Variants in CSTA observed in about 807,000 individuals in gnomAD.
CSTA encodes cystatin-A.
CSTA carries 9 observed loss-of-function variants against 9.2 expected under a neutral mutation model. That is an observed-to-expected ratio of 0.97 (90% CI 0.59 to 1.70). The LOEUF (loss-of-function observed/expected upper bound fraction) is 1.70. CSTA is among the 40% of genes most tolerant of loss of function. CSTA has a pLI of 0.00. For missense variants in CSTA, 118 were observed against 113.1 expected (o/e 1.04, Z -0.20); for synonymous variants, 36 against 40.6 (o/e 0.89, Z 0.43).
At chr3:122,325,642 T>C (rs1344795595) in intron 1 of CSTA, among the ~76,000 whole-genome samples, 1 of 152,238 alleles carries the variant, frequency 6.6e-6, no homozygotes, top group East Asian at 1.9e-4. Flanking sequence ...TCTTACAAGA[T>C]ATGATTCTAG....
At chr3:122,340,122 AGGATAG>A (rs1331760060) in intron 2 of CSTA, among the ~76,000 whole-genome samples, 2 of 152,252 alleles carry the variant, frequency 1.3e-5, no homozygotes, top group African/African-American at 2.4e-5. Flanking sequence ...TGTTAAAATT[AGGATAG>A]GAAGTGACAT....
intron 1 of CSTA, among the ~76,000 whole-genome samples, chr3:122,325,816 A>G (rs1038123069): frequency 6.6e-6 from 1 of 152,208 alleles, no homozygotes; most frequent in East Asian, 1.9e-4. Context: ...TGTAAAGGCA[A>G]TCTACTTACA....
intron 1 of CSTA, among the ~76,000 whole-genome samples, chr3:122,329,264 C>A (rs918929891): frequency 6.6e-6 from 1 of 151,664 alleles, no homozygotes; most frequent in Non-Finnish European, 1.5e-5. Context: ...CCGCGCCCAG[C>A]CAAAATAAAA....
At chr3:122,335,270 C>T (rs1333119150) in intron 1 of CSTA, among the ~76,000 whole-genome samples, 1 of 152,150 alleles carries the variant, frequency 6.6e-6, no homozygotes, top group Non-Finnish European at 1.5e-5. Flanking sequence ...ATCCCTGGAA[C>T]CTGTGACTAG....
Position 122,341,654 on chromosome 3 carries a change from A to G in CSTA, c.*87A>G. The G allele has an allele frequency of 6.9e-7, 1 of 1,457,928 alleles. No homozygotes were observed. Among genetic ancestry groups the G allele is most frequent in the East Asian group, 2.3e-5 (1 of 44,062 alleles). 90.3% of individuals were successfully genotyped at this position (1,457,928 alleles called of 1,614,324 possible). On this transcript the variant is annotated 3_prime_UTR_variant, in exon 3 of 3. Coordinates refer to ENST00000264474, the MANE Select transcript of CSTA (RefSeq NM_005213.4). ...TAAATATAACCATCAATAAAGAAGC[A>G]TTCTTTTCCAAAGAAATTATTTCTT...
chr3:122,335,958 T>C (rs1219228918), intron 1 of CSTA, among the ~76,000 whole-genome samples: 2 of 147,662 alleles, frequency 1.4e-5, no homozygotes, highest in African/African-American at 5.1e-5. Flanking sequence ...ATCAGAGGAA[T>C]ACACACACAC....
intron 1 of CSTA, 106 bp from the exon 2 acceptor site, chr3:122,337,441 A>G (rs1287125176): frequency 8.2e-6 from 6 of 727,388 alleles, no homozygotes; most frequent in Non-Finnish European, 1.5e-5. Context: ...AGATTTCATT[A>G]CCATCTTTGA....
At chr3:122,327,694 G>A (rs1196269282) in intron 1 of CSTA, among the ~76,000 whole-genome samples, 1 of 152,000 alleles carries the variant, frequency 6.6e-6, no homozygotes, top group Non-Finnish European at 1.5e-5. Flanking sequence ...AATGTGCATA[G>A]GTGAGGTATC....
At chr3:122,333,540 G>GAAGAAAGAAGA (rs2075216490) in intron 1 of CSTA, among the ~76,000 whole-genome samples, 2 of 112,078 alleles carry the variant, frequency 1.8e-5, no homozygotes, top group African/African-American at 3.4e-5. Flanking sequence ...AGAAAAGAAA[G>GAAGAAAGAAGA]AAGAAAGAAA....
At chr3:122,325,456 T>C in intron 1 of CSTA, 98 bp downstream of exon 1, 1 of 1,205,736 alleles carries the variant, frequency 8.3e-7, no homozygotes, top group Admixed American at 1.7e-5. Flanking sequence ...ACCAGAAGTT[T>C]AGGATGTTTG....
At chr3:122,326,262 C>G (rs1257497549) in intron 1 of CSTA, among the ~76,000 whole-genome samples, 2 of 152,194 alleles carry the variant, frequency 1.3e-5, no homozygotes, top group Non-Finnish European at 2.9e-5. Flanking sequence ...AATTCCTGGG[C>G]TCAAGCCATC....
intron 1 of CSTA, among the ~76,000 whole-genome samples, chr3:122,334,310 T>A (rs2075224559): frequency 6.6e-6 from 1 of 152,174 alleles, no homozygotes; most frequent in East Asian, 1.9e-4. Context: ...AGTTTGCATA[T>A]GTCTACATCT....
intron 2 of CSTA, 182 bp downstream of exon 2, chr3:122,337,830 C>A (rs890225956): frequency 4.8e-6 from 3 of 621,400 alleles, no homozygotes; most frequent in Non-Finnish European, 8.8e-6. Flanking sequence ...CATTTTTTTT[C>A]TTGTGAATTC....
chr3:122,334,619 A>G (rs372203086), intron 1 of CSTA, among the ~76,000 whole-genome samples: 1 of 152,244 alleles, frequency 6.6e-6, no homozygotes, highest in South Asian at 2.1e-4. Flanking sequence ...CAAGTTCTCA[A>G]TAAACAAGGT....
Position 122,341,472 on chromosome 3 carries a change from A to C in CSTA, c.202A>C (p.Lys68Gln). ...AGGTGATAATAAATATATGCACTTG[A>C]AAGTATTCAAAAGTCTTCCCGGACA... ...RAGDNKYMHL[K>Q]VFKSLPGQNE... Residue 68 changes from lysine (K) to glutamine (Q), a missense_variant, in exon 3 of 3, where the codon AAA becomes CAA. Transcript: ENST00000264474. 6.2e-7 allele frequency: 1 copy of C among 1,613,978 alleles called. No homozygotes were observed. The highest frequency in any genetic ancestry group is 2.2e-5 in the East Asian group (1 of 44,882).
intron 1 of CSTA, among the ~76,000 whole-genome samples, chr3:122,330,024 G>A (rs189635632): frequency 7.2e-5 from 11 of 152,260 alleles, no homozygotes; most frequent in Admixed American, 5.9e-4. Flanking sequence ...GCACTTTCAC[G>A]TCAATTATAT....
chr3:122,325,508 G>T, intron 1 of CSTA, 150 bp downstream of exon 1: 1 of 759,028 alleles, frequency 1.3e-6, no homozygotes, highest in Non-Finnish European at 2.3e-6. Context: ...TGAAATAAGA[G>T]TTTTTCAGAT....
intron 2 of CSTA, among the ~76,000 whole-genome samples, chr3:122,338,478 C>T (rs1297072130): frequency 7.3e-6 from 1 of 136,788 alleles, no homozygotes; most frequent in Non-Finnish European, 1.5e-5. Flanking sequence ...AAAATATAAA[C>T]ATTTTAAAAG....
At position 122,337,623 on chromosome 3, in the gene CSTA, T is replaced by C; in HGVS notation, c.143T>C (p.Val48Ala). The C allele has an allele frequency of 6.2e-7, 1 of 1,612,190 alleles. No individual in the cohort carries two copies. Among genetic ancestry groups the C allele is most frequent in the Non-Finnish European group, 8.5e-7 (1 of 1,178,276 alleles). Residue 48 changes from valine (V) to alanine (A), a missense_variant, in exon 2 of 3, where the codon GTT becomes GCT. Val to Ala is a moderately conservative substitution (Grantham distance 64). Transcript: ENST00000264474. ...LEAVQYKTQVVAGTNYYIKVR... is the reference protein window; with the variant it reads ...LEAVQYKTQVAAGTNYYIKVR... ...GCTGTGCAGTATAAAACTCAAGTTG[T>C]TGCTGGAACAAATTACTACATTAAG... is the stretch of plus-strand genomic sequence containing the variant.
Sources: allele counts gnomAD v4.1 joint callset (sites outside exome capture counted in the v4.1 genomes callset), GRCh38; gene constraint gnomAD v4.1.1; transcripts MANE v1.5; gene names NCBI Gene and HGNC (gene_info 2026-07-23, HGNC 2026-07-21).